The following DGKH variants were observed in gnomAD, a reference collection of about 807,000 sequenced individuals.
The protein encoded by DGKH is diacylglycerol kinase eta.
DGKH carries 90 observed loss-of-function variants against 159.3 expected under a neutral mutation model. That is an observed-to-expected ratio of 0.57 (90% CI 0.48 to 0.67). The LOEUF is 0.67. DGKH is among the 30% of genes least tolerant of loss of function. DGKH has a pLI of 0.00. For missense variants in DGKH, 1,181 were observed against 1,506.1 expected (o/e 0.78, Z 3.57); for synonymous variants, 536 against 553.8 (o/e 0.97, Z 0.45).
intron 3 of DGKH, among the ~76,000 whole-genome samples, chr13:42,142,163 C>T (rs1010568660): frequency 6.6e-6 from 1 of 152,152 alleles, no homozygotes; most frequent in Non-Finnish European, 1.5e-5. Flanking sequence ...ATCGTTTCCC[C>T]ATTTCTTGTT....
chr13:42,145,369 G>T (rs1955698977), intron 3 of DGKH, among the ~76,000 whole-genome samples: 3 of 152,082 alleles, frequency 2.0e-5, no homozygotes, highest in African/African-American at 4.8e-5. Flanking sequence ...TGTTTATTTT[G>T]TCGGTTGCCA....
chr13:42,133,550 G>A (rs1259251061), intron 3 of DGKH, among the ~76,000 whole-genome samples: 1 of 152,034 alleles, frequency 6.6e-6, no homozygotes, highest in Non-Finnish European at 1.5e-5. Flanking sequence ...CCAAAAATTA[G>A]CCAGGTGTAG....
chr13:42,073,282 G>A (rs1159749264), intron 1 of DGKH, among the ~76,000 whole-genome samples: 1 of 152,172 alleles, frequency 6.6e-6, no homozygotes, highest in African/African-American at 2.4e-5. Context: ...TATTAAAATA[G>A]TGTGTATTTT....
intron 1 of DGKH, among the ~76,000 whole-genome samples, chr13:42,054,447 C>G (rs538801489): frequency 6.6e-6 from 1 of 152,266 alleles, no homozygotes; most frequent in South Asian, 2.1e-4. Flanking sequence ...AGAAAGATAT[C>G]TCAAGCAATT....
chr13:42,155,846 G>A, intron 5 of DGKH, 47 bp downstream of exon 5: 1 of 1,603,002 alleles, frequency 6.2e-7, no homozygotes. Context: ...TAACCATACT[G>A]TAGACATGCT....
At chr13:42,056,018 C>T (rs553082971) in intron 1 of DGKH, among the ~76,000 whole-genome samples, 7 of 152,222 alleles carry the variant, frequency 4.6e-5, no homozygotes, top group African/African-American at 9.6e-5. Context: ...GTTAGCTGGG[C>T]GTGGTGGCAC....
intron 1 of DGKH, among the ~76,000 whole-genome samples, chr13:42,095,669 T>G (rs1175464445): frequency 6.6e-6 from 1 of 152,342 alleles, no homozygotes; most frequent in East Asian, 1.9e-4. Flanking sequence ...TAAAATGAAT[T>G]TAAAATTTTA....
At chr13:42,190,807 T>C (rs1288563360) in intron 16 of DGKH, among the ~76,000 whole-genome samples, 1 of 152,206 alleles carries the variant, frequency 6.6e-6, no homozygotes, top group East Asian at 1.9e-4. Flanking sequence ...TATGTTGGTT[T>C]TCCTGAGGAA....
chr13:42,110,577 T>G (rs1329252100), intron 1 of DGKH, among the ~76,000 whole-genome samples: 2 of 35,370 alleles, frequency 5.7e-5, no homozygotes, highest in Non-Finnish European at 1.3e-4. Flanking sequence ...AATTCAGAAT[T>G]TGAAGGATAA....
chr13:42,106,075 T>C (rs1954749098), intron 1 of DGKH, among the ~76,000 whole-genome samples: 1 of 152,086 alleles, frequency 6.6e-6, no homozygotes, highest in Admixed American at 6.6e-5. Flanking sequence ...TGGCACAATC[T>C]TGGCTCACTG....
chr13:42,151,146 G>C (rs886776923), intron 3 of DGKH, among the ~76,000 whole-genome samples: 2 of 152,146 alleles, frequency 1.3e-5, no homozygotes, highest in Non-Finnish European at 2.9e-5. Flanking sequence ...TTTAAAAATA[G>C]ATTTAGAGGG....
intron 17 of DGKH, among the ~76,000 whole-genome samples, chr13:42,197,859 G>T (rs1287871158): frequency 6.6e-6 from 1 of 152,134 alleles, no homozygotes; most frequent in African/African-American, 2.4e-5. Flanking sequence ...AAATTCATTA[G>T]CTTTGAATAC....
At chr13:42,129,427 AAGT>A (rs1169463959) in intron 2 of DGKH, 122 bp from the exon 3 acceptor site, 3 of 720,896 alleles carry the variant, frequency 4.2e-6, no homozygotes, top group Non-Finnish European at 6.7e-6. Context: ...AAATTGCAGA[AAGT>A]ACCACCAACT....
chr13:42,114,418 A>G (rs1439009050), intron 1 of DGKH, among the ~76,000 whole-genome samples: 1 of 150,976 alleles, frequency 6.6e-6, no homozygotes, highest in East Asian at 1.9e-4. Flanking sequence ...TTTGTTCAGT[A>G]TATCATTACT....
chr13:42,143,285 C>T (rs1955621312), intron 3 of DGKH, among the ~76,000 whole-genome samples: 1 of 152,112 alleles, frequency 6.6e-6, no homozygotes. Flanking sequence ...TGATGTGCTG[C>T]TGGATTCGGT....
chr13:42,073,912 G>A (rs1883137444), intron 1 of DGKH, among the ~76,000 whole-genome samples: 2 of 152,146 alleles, frequency 1.3e-5, no homozygotes, highest in African/African-American at 4.8e-5. Flanking sequence ...ATTCTAGCAT[G>A]ACTGAACTGC....
rs780858079 is a variant in DGKH, at chr13:42,174,059, G to A, written c.1368-1G>A. On this transcript the variant is annotated splice_acceptor_variant, in intron 11 of 29. Coordinates refer to ENST00000337343, the MANE Select transcript of DGKH (RefSeq NM_178009.5). LOFTEE classifies it high-confidence loss of function. The stretch of plus-strand genomic sequence containing the variant: ...TGACCAAAGAGTTTTTCTCCCTTCA[G>A]GTGGAGTATAATGACATATGAACTC... 1 of 1,611,950 alleles carries A rather than the reference G, an allele frequency of 6.2e-7. No homozygotes were observed. The highest frequency in any genetic ancestry group is 8.5e-7 in the Non-Finnish European group (1 of 1,179,190).
intron 11 of DGKH, among the ~76,000 whole-genome samples, chr13:42,170,135 GT>G (rs1212752320): frequency 6.6e-6 from 1 of 152,174 alleles, no homozygotes; most frequent in Non-Finnish European, 1.5e-5. Context: ...CAATTCTGTG[GT>G]TACCAAACAA....
At chr13:42,150,276 C>T (rs1252203267) in intron 3 of DGKH, among the ~76,000 whole-genome samples, 1 of 152,014 alleles carries the variant, frequency 6.6e-6, no homozygotes, top group Non-Finnish European at 1.5e-5. Context: ...TTCCATATAA[C>T]AAAATATGGC....
Sources: gnomAD v4.1 joint callset for allele counts (sites outside exome capture counted in the v4.1 genomes callset) on GRCh38, gnomAD v4.1.1 for gene constraint, MANE v1.5 for transcripts, NCBI Gene and HGNC (gene_info 2026-07-23, HGNC 2026-07-21) for gene names.